ZC3H8: variants seen among roughly 807,000 people sequenced by gnomAD.
ZC3H8 encodes the protein zinc finger CCCH-type containing 8.
A neutral mutation model predicts 42.5 loss-of-function variants in ZC3H8; 27 were observed. The ratio of observed to expected loss-of-function variants is 0.64; its 90% CI spans 0.47 to 0.88. The LOEUF (loss-of-function observed/expected upper bound fraction) is 0.88, where lower values mean the gene tolerates loss of function less well. Among genes scored for constraint, ZC3H8 ranks in the 40% least tolerant of loss-of-function variants. ZC3H8 has a pLI of 0.00. For missense variants in ZC3H8, 277 were observed against 336.1 expected, an observed-to-expected ratio of 0.82 and a Z score of 1.37; for synonymous variants, 101 against 110.1, an observed-to-expected ratio of 0.92 and a Z score of 0.52.
chr2:112,236,527 GGGTCA>G (rs765122077), intron 4 of ZC3H8, 30 bp downstream of exon 4: 2 of 1,603,762 alleles, frequency 1.2e-6, no homozygotes, highest in Non-Finnish European at 1.7e-6. Context: ...AAGCATGCAG[GGGTCA>G]GGTATTCCTA....
intron 5 of ZC3H8, 112 bp downstream of exon 5, chr2:112,234,007 AT>A (rs957958262): frequency 1.4e-5 from 9 of 639,480 alleles, no homozygotes; most frequent in Admixed American, 4.0e-5. Flanking sequence ...TTTCTAACTG[AT>A]TTTTTTCCAG....
intron 2 of ZC3H8, 56 bp downstream of exon 2, chr2:112,250,135 A>C: frequency 7.5e-7 from 1 of 1,331,960 alleles, no homozygotes; most frequent in Non-Finnish European, 1.0e-6. Context: ...TTCCATGTGA[A>C]ACTGAGAAAA....
chr2:112,250,391 T>A, intron 1 of ZC3H8, 119 bp from the exon 2 acceptor site: 1 of 573,602 alleles, frequency 1.7e-6, no homozygotes, highest in Non-Finnish European at 2.8e-6. Flanking sequence ...AATTACAAAT[T>A]CAAATTCTAT....
At chr2:112,251,251 C>G (rs1050649784) in intron 1 of ZC3H8, among the ~76,000 whole-genome samples, 8 of 152,210 alleles carry the variant, frequency 5.3e-5, no homozygotes, top group Admixed American at 3.9e-4. Context: ...ACTGACAGCA[C>G]AAGGAGAATG....
At chr2:112,220,692 G>A (rs899197816) in intron 8 of ZC3H8, among the ~76,000 whole-genome samples, 8 of 152,174 alleles carry the variant, frequency 5.3e-5, no homozygotes, top group African/African-American at 1.9e-4. Context: ...ATGGTGGTGC[G>A]TGCCTGTAAT....
In ZC3H8 at chr2:112,250,350, C is replaced by T. The variant is rs1685904499; in HGVS notation, c.75-78G>A. The T allele has an allele frequency of 4.0e-6, 4 of 1,004,900 alleles. No homozygotes were observed. The East Asian group carries it at 9.1e-5, about 23-fold the overall frequency. 62.2% of individuals were successfully genotyped at this position (1,004,900 alleles called of 1,614,324 possible). A position where few individuals can be genotyped will look rare whatever the true frequency, so the allele number is the denominator to read the frequency against. On this transcript the variant is annotated intron_variant, in intron 1 of 8. Transcript: ENST00000409573. ...CATACCACAGCGTTACAATTCACTGCTTTGGCTTGTCTTCAACTTACCCTC... is the reference window on the plus strand; with the variant it reads ...CATACCACAGCGTTACAATTCACTGTTTTGGCTTGTCTTCAACTTACCCTC...
chr2:112,229,645 A>G (rs1358345682), intron 8 of ZC3H8, among the ~76,000 whole-genome samples: 1 of 152,220 alleles, frequency 6.6e-6, no homozygotes, highest in East Asian at 1.9e-4. Context: ...AGGCCAGATG[A>G]GATCAGCCAA....
At position 112,251,103 on chromosome 2, in the gene ZC3H8, A is replaced by T. The variant is rs967856516; in HGVS notation, c.75-831T>A. 7.9e-5 allele frequency among the ~76,000 whole-genome samples: 12 copies of T among 152,360 alleles called. No individual in the cohort carries two copies. The South Asian group carries it at 1.0e-3, about 13-fold the overall frequency. On this transcript the variant is annotated intron_variant, in intron 1 of 8. Transcript: ENST00000409573. ...CTAGAAATATAGGGAGCTGAAGAAAATATTATCTTAGTAAGTGGTGACTAT... is the reference window on the plus strand; with the variant it reads ...CTAGAAATATAGGGAGCTGAAGAAATTATTATCTTAGTAAGTGGTGACTAT...
At chr2:112,219,291 T>C (rs553821180) in intron 8 of ZC3H8, among the ~76,000 whole-genome samples, 60 of 152,248 alleles carry the variant, frequency 3.9e-4, no homozygotes, top group African/African-American at 1.3e-3. Flanking sequence ...CTCACGTCTA[T>C]GGTAAATAAT....
At chr2:112,233,406 T>C in intron 5 of ZC3H8, 35 bp from the exon 6 acceptor site, 2 of 1,341,096 alleles carry the variant, frequency 1.5e-6, no homozygotes, top group Non-Finnish European at 2.1e-6. Context: ...AAAGCCATTA[T>C]TTCTCATAGT....
rs1684193296 is a variant in ZC3H8, at chr2:112,212,997, C to T, written c.*3487G>A. On this transcript the variant is annotated 3_prime_UTR_variant, in exon 9 of 9. Transcript: ENST00000409573. Reference sequence around the variant, plus strand: ...TTTTTTTTTTTTTTTTTATAAGAGACAAGGCTCTGTTGCCCAGGCTGGAGT... The same window carrying T: ...TTTTTTTTTTTTTTTTTATAAGAGATAAGGCTCTGTTGCCCAGGCTGGAGT... 1 of 99,848 alleles carries T rather than the reference C, an allele frequency of 1.0e-5. No individual in the cohort carries two copies. The highest frequency in any genetic ancestry group is 3.4e-4 in the South Asian group (1 of 2,970). The allele number at this position is 99,848 out of a possible 1,614,324, so 6.2% of individuals were successfully genotyped here. A position where few individuals can be genotyped will look rare whatever the true frequency, so the allele number is the denominator to read the frequency against.
At chr2:112,231,804 G>A in intron 7 of ZC3H8, 34 bp downstream of exon 7, 1 of 1,388,612 alleles carries the variant, frequency 7.2e-7, no homozygotes, top group African/African-American at 1.5e-5. Context: ...CCTTAAAAAA[G>A]AAAAAACAAA....
intron 8 of ZC3H8, among the ~76,000 whole-genome samples, chr2:112,225,428 T>C (rs1032670097): frequency 6.6e-6 from 1 of 152,134 alleles, no homozygotes; most frequent in Non-Finnish European, 1.5e-5. Flanking sequence ...AAGTGAGCTA[T>C]GATTGTGCTA....
intron 2 of ZC3H8, among the ~76,000 whole-genome samples, chr2:112,249,943 C>T (rs1573928053): frequency 6.6e-6 from 1 of 150,812 alleles, no homozygotes; most frequent in Admixed American, 6.6e-5. Context: ...GAAATAAATG[C>T]AATTATTAAA....
rs1194252769 is a variant in ZC3H8, at chr2:112,213,140, A to G, written c.*3344T>C. 1.3e-5 allele frequency: 2 copies of G among 151,620 alleles called. No individual in the cohort carries two copies. Among genetic ancestry groups the G allele is most frequent in the South Asian group, 2.1e-4 (1 of 4,788 alleles). The allele number at this position is 151,620 out of a possible 1,614,324, so 9.4% of individuals were successfully genotyped here. ...ATGCACCTCCATGCCTGGCTAATTTAAAAATTTTTTGTAAAGATGAGATCT... is the reference window on the plus strand; with the variant it reads ...ATGCACCTCCATGCCTGGCTAATTTGAAAATTTTTTGTAAAGATGAGATCT... On this transcript the variant is annotated 3_prime_UTR_variant, in exon 9 of 9. Transcript: ENST00000409573.
At chr2:112,252,070 T>C (rs1286256719) in intron 1 of ZC3H8, among the ~76,000 whole-genome samples, 1 of 152,210 alleles carries the variant, frequency 6.6e-6, no homozygotes, top group East Asian at 1.9e-4. Context: ...CATTCCAGGC[T>C]ATCCCTTTCT....
chr2:112,238,254 A>G (rs1685431485), intron 3 of ZC3H8, 61 bp downstream of exon 3: 3 of 1,524,992 alleles, frequency 2.0e-6, no homozygotes, highest in African/African-American at 1.4e-5. Context: ...CTGTCCGTAT[A>G]TGGACAACTG....
rs1165884293 is a variant in ZC3H8 at position 112,214,171 on chromosome 2, C to T, written c.*2313G>A. ...CCATGTTAGCCAGGATGGTCTCGAT[C>T]TCCTGACCTCATGATCCGCCCACCT... On this transcript the variant is annotated 3_prime_UTR_variant, in exon 9 of 9. Transcript: ENST00000409573. 1 of 152,064 alleles carries T rather than the reference C, an allele frequency of 6.6e-6. No homozygotes were observed. Among genetic ancestry groups the T allele is most frequent in the Admixed American group, 6.6e-5 (1 of 15,254 alleles). The allele number at this position is 152,064 out of a possible 1,614,324, so 9.4% of individuals were successfully genotyped here.
intron 1 of ZC3H8, among the ~76,000 whole-genome samples, chr2:112,251,240 C>G (rs1256019824): frequency 6.6e-6 from 1 of 152,198 alleles, no homozygotes; most frequent in African/African-American, 2.4e-5. Flanking sequence ...AAAGGGAAAG[C>G]ACTGACAGCA....
Sources: gnomAD v4.1 joint callset for allele counts (sites outside exome capture counted in the v4.1 genomes callset) on GRCh38, gnomAD v4.1.1 for gene constraint, MANE v1.5 for transcripts, NCBI Gene and HGNC (gene_info 2026-07-23, HGNC 2026-07-21) for gene names.